Variants in SLC4A8 observed in about 807,000 individuals in gnomAD.
SLC4A8 encodes solute carrier family 4 member 8.
In SLC4A8, 40 loss-of-function variants were observed where a neutral mutation model predicts 125.0. That is an observed-to-expected ratio of 0.32 (90% confidence interval 0.25 to 0.42). The LOEUF (loss-of-function observed/expected upper bound fraction) is 0.42. SLC4A8 is among the 10% of genes least tolerant of loss of function. The pLI is 1.00. For missense variants in SLC4A8, 863 were observed against 1,355.1 expected (o/e 0.64, Z 5.70); for synonymous variants, 456 against 476.0 (o/e 0.96, Z 0.55).
intron 2 of SLC4A8, among the ~76,000 whole-genome samples, chr12:51,442,291 G>C (rs1289968153): frequency 6.6e-6 from 1 of 152,134 alleles, no homozygotes; most frequent in Non-Finnish European, 1.5e-5. Flanking sequence ...CTCTTCTTCT[G>C]TTCTGATAAT....
chr12:51,477,757 T>C (rs1403087642), intron 16 of SLC4A8, among the ~76,000 whole-genome samples: 1 of 152,210 alleles, frequency 6.6e-6, no homozygotes, highest in Non-Finnish European at 1.5e-5. Flanking sequence ...ATCTCTGCCA[T>C]TTTTCCATGT....
chr12:51,464,881 C>A (rs938755570), intron 11 of SLC4A8, among the ~76,000 whole-genome samples: 3 of 152,116 alleles, frequency 2.0e-5, no homozygotes, highest in Non-Finnish European at 4.4e-5. Flanking sequence ...GAGAGAATGG[C>A]ACTTGACTAG....
intron 1 of SLC4A8, among the ~76,000 whole-genome samples, chr12:51,426,837 T>C (rs1198050274): frequency 6.8e-6 from 1 of 147,928 alleles, no homozygotes; most frequent in African/African-American, 2.5e-5. Context: ...GGGGTTTAAG[T>C]AGAGGGGAAA....
Position 51,515,133 on chromosome 12 carries a change from G to A in SLC4A8, c.*7695G>A, listed in dbSNP as rs1217613797. The A allele has an allele frequency of 2.6e-5, 4 of 152,336 alleles. No homozygotes were observed. Among genetic ancestry groups the A allele is most frequent in the Non-Finnish European group, 4.4e-5 (3 of 68,030 alleles). The allele number at this position is 152,336 out of a possible 1,614,324, so 9.4% of individuals were successfully genotyped here. On this transcript the variant is annotated 3_prime_UTR_variant, in exon 25 of 25. Coordinates refer to ENST00000453097, the MANE Select transcript of SLC4A8 (RefSeq NM_001039960.3). Reference sequence around the variant, plus strand: ...CAGAAATCAGCGGAGCTTGGGCTTCGCTTAGCAGGTTTGCAATTGACTTCA... The same window carrying A: ...CAGAAATCAGCGGAGCTTGGGCTTCACTTAGCAGGTTTGCAATTGACTTCA...
In SLC4A8 at chr12:51,485,889, A is replaced by G; in HGVS notation, c.2275A>G (p.Ser759Gly). The G allele has an allele frequency of 6.3e-7, 1 of 1,583,320 alleles. No individual in the cohort carries two copies. Residue 759 changes from serine (S) to glycine (G), a missense_variant, in exon 17 of 25, where the codon AGT becomes GGT. By Grantham distance (56) the Ser-to-Gly change is moderately conservative. Around this residue, in one of 6 missense-constraint regions of SLC4A8, gnomAD observed 197 missense variants for 377.7 expected, o/e 0.52. Transcript: ENST00000453097. ...CCCATCACCAAAGCTTCAAGTTCCC[A>G]GTGTGTTCAAGGTAAACAGATCTCA... The part of the protein sequence containing the change: ...GVPSPKLQVP[S>G]VFKPTRDDRG...
chr12:51,400,771 TATATATAC>T (rs1437265627), intron 1 of SLC4A8, among the ~76,000 whole-genome samples: 49 of 4,466 alleles, frequency 0.011, 3 homozygotes, highest in Admixed American at 0.032. Context: ...TATATATATA[TATATATAC>T]ATACATACAC....
chr12:51,495,205 A>G, intron 21 of SLC4A8, 87 bp downstream of exon 21: 1 of 1,205,006 alleles, frequency 8.3e-7, no homozygotes, highest in Non-Finnish European at 1.2e-6. Context: ...TACCATTTTT[A>G]AGTGTACAGT....
At chr12:51,436,187 T>TAA (rs1336863309) in intron 1 of SLC4A8, among the ~76,000 whole-genome samples, 2 of 152,216 alleles carry the variant, frequency 1.3e-5, no homozygotes, top group East Asian at 3.8e-4. Flanking sequence ...AGTGACAGAA[T>TAA]AAATTCACAT....
At position 51,474,327 on chromosome 12, in the gene SLC4A8, A is replaced by T; in HGVS notation, c.1905-15A>T. On this transcript the variant is annotated splice_polypyrimidine_tract_variant and intron_variant, in intron 14 of 24. Coordinates refer to ENST00000453097, the MANE Select transcript of SLC4A8 (RefSeq NM_001039960.3). ...GGCTGTTTTCCTCAGGAATCTTTTTAATTTTTCCCCTCAGCTGCAGGTGTA... is the reference window on the plus strand; with the variant it reads ...GGCTGTTTTCCTCAGGAATCTTTTTTATTTTTCCCCTCAGCTGCAGGTGTA... The T allele has an allele frequency of 6.6e-7, 1 of 1,519,130 alleles. No homozygotes were observed. Among genetic ancestry groups the T allele is most frequent in the Non-Finnish European group, 9.1e-7 (1 of 1,102,970 alleles). The allele number at this position is 1,519,130 out of a possible 1,614,324, so 94.1% of individuals were successfully genotyped here.
chr12:51,393,079 C>G (rs1948185459), intron 1 of SLC4A8, among the ~76,000 whole-genome samples: 2 of 151,094 alleles, frequency 1.3e-5, no homozygotes, highest in Non-Finnish European at 3.0e-5. Flanking sequence ...CTTTCTCTCT[C>G]TCTCTTTCCT....
chr12:51,437,367 A>G (rs560894270), intron 1 of SLC4A8, among the ~76,000 whole-genome samples: 21 of 152,298 alleles, frequency 1.4e-4, no homozygotes, highest in Non-Finnish European at 2.4e-4. Flanking sequence ...GTAATCCCCA[A>G]TGTTGGAGAT....
intron 1 of SLC4A8, among the ~76,000 whole-genome samples, chr12:51,432,723 A>C (rs930770821): frequency 6.7e-6 from 1 of 150,246 alleles, no homozygotes; most frequent in Non-Finnish European, 1.5e-5. Context: ...CTCTGTCTCA[A>C]AACAAACAAA....
chr12:51,513,811 C>T lies in SLC4A8; in HGVS notation c.*6373C>T, dbSNP rs1027599978. 6.6e-6 allele frequency: 1 copy of T among 152,200 alleles called. No homozygotes were observed. Among genetic ancestry groups the T allele is most frequent in the Non-Finnish European group, 1.5e-5 (1 of 68,044 alleles). 9.4% of individuals were successfully genotyped at this position (152,200 alleles called of 1,614,324 possible). A position where few individuals can be genotyped will look rare whatever the true frequency, so the allele number is the denominator to read the frequency against. The stretch of plus-strand genomic sequence containing the variant: ...GATAAAATTCTGGTATGTGCTAAGT[C>T]CCAGGCTTGGTTGATATCTCAGACT... On this transcript the variant is annotated 3_prime_UTR_variant, in exon 25 of 25. Transcript: ENST00000453097.
At chr12:51,401,569 C>T (rs1393602504) in intron 1 of SLC4A8, among the ~76,000 whole-genome samples, 1 of 152,122 alleles carries the variant, frequency 6.6e-6, no homozygotes, top group Non-Finnish European at 1.5e-5. Context: ...TCTCGATGTC[C>T]AGCTGCCTGT....
chr12:51,484,608 T>A (rs1414953506), intron 16 of SLC4A8, among the ~76,000 whole-genome samples: 6 of 152,208 alleles, frequency 3.9e-5, no homozygotes, highest in South Asian at 2.1e-4. Context: ...CAAAGTGAAG[T>A]CAGGCTAAGG....
intron 1 of SLC4A8, among the ~76,000 whole-genome samples, chr12:51,408,938 G>A (rs1410995117): frequency 6.6e-6 from 1 of 151,956 alleles, no homozygotes; most frequent in Non-Finnish European, 1.5e-5. Context: ...GGATATTTTT[G>A]CTTGCCCATT....
chr12:51,450,726 C>A, intron 2 of SLC4A8, 150 bp from the exon 3 acceptor site: 1 of 787,952 alleles, frequency 1.3e-6, no homozygotes. Context: ...TATCTTTACT[C>A]CTGGAAGTCT....
rs7308853 is a variant in SLC4A8, at chr12:51,462,443, A to G, written c.1235A>G (p.Asn412Ser). The G allele has an allele frequency of 5.9e-4, 927 of 1,575,044 alleles. 6 individuals are homozygous for G. The African/African-American group carries it at 0.012, about 20-fold the overall frequency. The change falls in exon 10 of 25, where the codon AAT becomes AGT. Residue 412 changes from asparagine (N) to serine (S), a missense_variant. Coordinates refer to ENST00000453097, the MANE Select transcript of SLC4A8 (RefSeq NM_001039960.3). ...DPSIRIEPPK[N>S]VPSQEKRKMP... The stretch of plus-strand genomic sequence containing the variant: ...TCCATTAGAATTGAGCCACCCAAAA[A>G]TGTCCCTTCCCAGGTAATGTATGCA...
At chr12:51,424,807 C>G, upstream of SLC4A8, 1 of 613,636 alleles carries the variant, frequency 1.6e-6, no homozygotes, top group Non-Finnish European at 2.8e-6. Context: ...AGGCCTCTCG[C>G]TGATTGGTTG....
Sources: allele counts gnomAD v4.1 joint callset (sites outside exome capture counted in the v4.1 genomes callset), GRCh38; gene constraint gnomAD v4.1.1; regional missense constraint gnomAD v4.1.1; transcripts MANE v1.5; gene names NCBI Gene and HGNC (gene_info 2026-07-23, HGNC 2026-07-21).